Variants in DIRAS3 observed in about 807,000 individuals in gnomAD.
DIRAS3 encodes GTP-binding protein Di-Ras3.
For synonymous variants in DIRAS3, 133 were observed against 131.4 expected (o/e 1.01, Z -0.08); for missense variants, 248 against 300.6 (o/e 0.83, Z 1.29).
At chr1:68,048,192 A>G (rs1316878686) in intron 1 of DIRAS3, among the ~76,000 whole-genome samples, 3 of 150,588 alleles carry the variant, frequency 2.0e-5, no homozygotes, top group Admixed American at 6.6e-5. Context: ...TACCTTTAAC[A>G]AAGTACTTTT....
chr1:68,046,744 T>C lies in DIRAS3; in HGVS notation c.554A>G (p.Asp185Gly). The change falls in exon 2 of 2, where the codon GAT becomes GGT. Residue 185 changes from aspartate (D) to glycine (G), a missense_variant. Transcript: ENST00000646789. Reference sequence around the variant, plus strand: ...GTGGAACAGCTCCTGCACATTCACATCGGTCTTGGCTGAAATCTCCATGAA... The same window carrying C: ...GTGGAACAGCTCCTGCACATTCACACCGGTCTTGGCTGAAATCTCCATGAA... ...CAFMEISAKT[D>G]VNVQELFHML... is the part of the protein sequence containing the mutation. 1 of 1,614,156 alleles carries C rather than the reference T, an allele frequency of 6.2e-7. No homozygotes were observed. Among genetic ancestry groups the C allele is most frequent in the Non-Finnish European group, 8.5e-7 (1 of 1,180,032 alleles).
chr1:68,048,033 AAAAAAAAAAAAAAAAAATAT>A (rs1355261466), intron 1 of DIRAS3, among the ~76,000 whole-genome samples: 2 of 55,296 alleles, frequency 3.6e-5, no homozygotes, highest in African/African-American at 1.7e-4. Flanking sequence ...AAAAAAAAAA[AAAAAAAAAAAAAAAAAATAT>A]ATATATATAT....
rs755149014 is a variant in DIRAS3, at chr1:68,050,394, C to T, written c.-66+154G>A. On this transcript the variant is annotated intron_variant, in intron 1 of 1. Transcript: ENST00000646789. This position sits in a 1 kb window ranked among gnomAD's most constrained non-coding sequence, Gnocchi z 4.5. The stretch of plus-strand genomic sequence containing the variant: ...CAGGACCTGCCAGGAGCCCGCAGGG[C>T]TGCGGGTGGTTCTTGCGTAATCGCG... 6.6e-6 allele frequency among the ~76,000 whole-genome samples: 1 copy of T among 152,184 alleles called. No homozygotes were observed. Among genetic ancestry groups the T allele is most frequent in the Non-Finnish European group, 1.5e-5 (1 of 68,030 alleles).
intron 1 of DIRAS3, among the ~76,000 whole-genome samples, chr1:68,049,070 ATGT>A (rs1380702172): frequency 6.6e-6 from 1 of 152,022 alleles, no homozygotes; most frequent in Non-Finnish European, 1.5e-5. Context: ...AAAAAAAAAA[ATGT>A]TGTTGCTGGT....
At chr1:68,048,018 GT>G (rs1645689999) in intron 1 of DIRAS3, among the ~76,000 whole-genome samples, 1 of 13,282 alleles carries the variant, frequency 7.5e-5, no homozygotes, top group African/African-American at 3.3e-4. Flanking sequence ...TGACAGTGGA[GT>G]AAAAAAAAAA....
Position 68,046,438 on chromosome 1 carries a change from G to T in DIRAS3, c.*170C>A. 1 of 603,442 alleles carries T rather than the reference G, an allele frequency of 1.7e-6. No individual in the cohort carries two copies. Among genetic ancestry groups the T allele is most frequent in the Non-Finnish European group, 2.8e-6 (1 of 356,554 alleles). 37.4% of individuals were successfully genotyped at this position (603,442 alleles called of 1,614,324 possible). On this transcript the variant is annotated 3_prime_UTR_variant, in exon 2 of 2. Transcript: ENST00000646789. ...AATGTTTTAACAATTTGAATTCTCT[G>T]GCCTGGGAAAAAGAAAAGTTATCCA...
intron 1 of DIRAS3, among the ~76,000 whole-genome samples, chr1:68,048,049 A>AAAAATAT (rs1553173941): frequency 5.5e-4 from 4 of 7,270 alleles, no homozygotes; most frequent in African/African-American, 9.7e-4. Flanking sequence ...AAAAAAAAAA[A>AAAAATAT]ATATATATAT....
chr1:68,046,942 G>C lies in DIRAS3; in HGVS notation c.356C>G (p.Thr119Ser), dbSNP rs778048012. 4.3e-6 allele frequency: 7 copies of C among 1,614,148 alleles called. No individual in the cohort carries two copies. Among genetic ancestry groups the C allele is most frequent in the Non-Finnish European group, 5.9e-6 (7 of 1,180,038 alleles). Residue 119 changes from threonine to serine, a missense_variant, in exon 2 of 2, where the codon ACC (threonine) becomes AGC (serine). By Grantham distance (58) the Thr-to-Ser change is moderately conservative. Transcript: ENST00000646789. ...CAGCTCTTCCAGGGTTTCCTTCTTG[G>C]TGACTGAGTAGACCAGGACGAAGGC... ...GHAFVLVYSVTKKETLEELKA... is the reference protein window; with the variant it reads ...GHAFVLVYSVSKKETLEELKA...
At chr1:68,048,056 A>G (rs1273718540) in intron 1 of DIRAS3, among the ~76,000 whole-genome samples, 1 of 92,818 alleles carries the variant, frequency 1.1e-5, no homozygotes, top group Non-Finnish European at 2.1e-5. Context: ...AAAAATATAT[A>G]TATATATATA....
intron 1 of DIRAS3, among the ~76,000 whole-genome samples, chr1:68,048,034 AAAAAAAAAAAAAAAAATATATATATAT>A (rs1196577110): frequency 3.4e-5 from 2 of 59,218 alleles, no homozygotes; most frequent in African/African-American, 1.6e-4. Context: ...AAAAAAAAAA[AAAAAAAAAAAAAAAAATATATATATAT>A]ATATATATAT....
chr1:68,048,050 ATATATATATATAT>A (rs1322520533), intron 1 of DIRAS3, among the ~76,000 whole-genome samples: 29 of 9,126 alleles, frequency 3.2e-3, no homozygotes, highest in Non-Finnish European at 5.1e-3. Flanking sequence ...AAAAAAAAAA[ATATATATATATAT>A]ATATATATAT....
At chr1:68,047,390 T>C in intron 1 of DIRAS3, 28 bp from the exon 2 acceptor site, 4 of 1,145,182 alleles carry the variant, frequency 3.5e-6, no homozygotes, top group Non-Finnish European at 3.7e-6. Flanking sequence ...CGGTGAGAGA[T>C]GGTAGTGGTA....
intron 1 of DIRAS3, among the ~76,000 whole-genome samples, chr1:68,048,670 C>G (rs1197350207): frequency 6.6e-6 from 1 of 151,490 alleles, no homozygotes; most frequent in East Asian, 1.9e-4. Flanking sequence ...GAAAAGGACC[C>G]TTTTTAGAAT....
At position 68,046,737 on chromosome 1, in the gene DIRAS3, A is replaced by G. The variant is rs1449078608; in HGVS notation, c.561T>C (p.Asn187=). 1.2e-6 allele frequency: 2 copies of G among 1,614,152 alleles called. No individual in the cohort carries two copies. Among genetic ancestry groups the G allele is most frequent in the Non-Finnish European group, 1.7e-6 (2 of 1,180,036 alleles). The part of the protein sequence containing the change: ...FMEISAKTDV[N]VQELFHMLLN... Reference sequence around the variant, plus strand: ...GCAGCATGTGGAACAGCTCCTGCACATTCACATCGGTCTTGGCTGAAATCT... The same window carrying G: ...GCAGCATGTGGAACAGCTCCTGCACGTTCACATCGGTCTTGGCTGAAATCT... The change falls in exon 2 of 2, where the codon AAT becomes AAC. Residue 187 remains asparagine (N), a synonymous_variant. Coordinates refer to ENST00000646789, the MANE Select transcript of DIRAS3 (RefSeq NM_004675.5).
rs533941469 is a variant in DIRAS3, at chr1:68,047,963, C to G, written c.-65-601G>C. Among the ~76,000 whole-genome samples the G allele has an allele frequency of 1.8e-3, 244 of 132,784 alleles. 1 individual carries two copies. The highest frequency in any genetic ancestry group is 6.9e-3 in the African/African-American group (239 of 34,876). The allele number at this position is 132,784 out of a possible 152,430, so 87.1% of individuals were successfully genotyped here. On this transcript the variant is annotated intron_variant, in intron 1 of 1. Transcript: ENST00000646789. Reference sequence around the variant, plus strand: ...TGAGCATGCTGTCACCATGTGCCACCAAGAGCTGAGGGAGGGGTCTTAGTT... The same window carrying G: ...TGAGCATGCTGTCACCATGTGCCACGAAGAGCTGAGGGAGGGGTCTTAGTT...
intron 1 of DIRAS3, chr1:68,049,777 C>G (rs6703239): frequency 0.08 from 12,239 of 152,228 alleles, 1,079 homozygotes; most frequent in African/African-American, 0.22. Context: ...GCCTGTAATT[C>G]CAGCACTTTG....
Position 68,046,804 on chromosome 1 carries a change from T to C in DIRAS3, c.494A>G (p.Asp165Gly). The C allele has an allele frequency of 2.5e-6, 4 of 1,614,166 alleles. No individual in the cohort carries two copies. Among genetic ancestry groups the C allele is most frequent in the Non-Finnish European group, 3.4e-6 (4 of 1,180,028 alleles). The change falls in exon 2 of 2, where the codon GAT (aspartate) becomes GGT (glycine). Residue 165 changes from aspartate to glycine, a missense_variant. Transcript: ENST00000646789. ...CCACTCCATCGCACAGGTGGCACCA[T>C]CATTCAGGGCCACCTCCCGGTGGGT... ...DDTHREVALNDGATCAMEWNC... is the reference protein window; with the variant it reads ...DDTHREVALNGGATCAMEWNC...
rs1436851118 is a variant in DIRAS3 at position 68,045,968 on chromosome 1, G to A, written c.*640C>T. ...GACAAATTCTTACAGCTGATTGCAT[G>A]CAGGAAAAGCTTTATTAAGTCAATA... On this transcript the variant is annotated 3_prime_UTR_variant, in exon 2 of 2. Transcript: ENST00000646789. 6.6e-6 allele frequency: 1 copy of A among 152,216 alleles called. No homozygotes were observed. The highest frequency in any genetic ancestry group is 1.5e-5 in the Non-Finnish European group (1 of 68,040). 9.4% of individuals were successfully genotyped at this position (152,216 alleles called of 1,614,324 possible). A position where few individuals can be genotyped will look rare whatever the true frequency, so the allele number is the denominator to read the frequency against.
Position 68,048,750 on chromosome 1 carries a change from T to G in DIRAS3, c.-65-1388A>C, listed in dbSNP as rs370676705. On this transcript the variant is annotated intron_variant, in intron 1 of 1. Transcript: ENST00000646789. ...GTGGTGGTTTTTTTTTTTTTGTTTTTTTTTTTTGAGTCAGGGTCTTGCTCT... is the reference window on the plus strand; with the variant it reads ...GTGGTGGTTTTTTTTTTTTTGTTTTGTTTTTTTGAGTCAGGGTCTTGCTCT... Among the ~76,000 whole-genome samples, 565 of 144,204 alleles carry G rather than the reference T, an allele frequency of 3.9e-3. 3 individuals carry two copies. The highest frequency in any genetic ancestry group is 0.011 in the African/African-American group (402 of 36,082). The allele number at this position is 144,204 out of a possible 152,430, so 94.6% of individuals were successfully genotyped here.
Sources: gnomAD v4.1 joint callset for allele counts (sites outside exome capture counted in the v4.1 genomes callset) on GRCh38, gnomAD v4.1.1 for gene constraint, Gnocchi (gnomAD v3.1) non-coding constraint, MANE v1.5 for transcripts, NCBI Gene and HGNC (gene_info 2026-07-23, HGNC 2026-07-21) for gene names.